NRXN3: variants seen among roughly 807,000 people sequenced by gnomAD.
NRXN3 encodes the protein neurexin III.
A neutral mutation model predicts 137.6 loss-of-function variants in NRXN3; 32 were observed. The observed-to-expected ratio is 0.23, with a 90% confidence interval of 0.18 to 0.31. The LOEUF (loss-of-function observed/expected upper bound fraction) is 0.31. NRXN3 is among the 10% of genes least tolerant of loss of function. The pLI is 1.00. For missense variants in NRXN3, 1,574 were observed against 2,062.5 expected (o/e 0.76, Z 4.59); for synonymous variants, 798 against 784.5 (o/e 1.02, Z -0.29).
chr14:78,414,008 C>G (rs1201042830), intron 4 of NRXN3, among the ~76,000 whole-genome samples: 3 of 152,228 alleles, frequency 2.0e-5, no homozygotes, highest in African/African-American at 7.2e-5. Flanking sequence ...TTCCCCTGCA[C>G]ATGCCCTCTT....
Position 78,225,230 on chromosome 14 carries a change from T to C in NRXN3, c.-703-17161T>C, listed in dbSNP as rs531231360. Among the ~76,000 whole-genome samples, 192 of 152,290 alleles carry C rather than the reference T, an allele frequency of 1.3e-3. 3 individuals are homozygous for C. In the East Asian group the frequency reaches 0.029, roughly 23 times the overall value. On this transcript the variant is annotated intron_variant, in intron 1 of 20. Transcript: ENST00000335750. ...CAGTCCCACCAACAGTGTAAAAGTC[T>C]TCCTATTTCTCCACATCCTCTCCAG...
At chr14:78,474,342 G>T (rs1461724255) in intron 4 of NRXN3, among the ~76,000 whole-genome samples, 1 of 152,150 alleles carries the variant, frequency 6.6e-6, no homozygotes, top group Non-Finnish European at 1.5e-5. Flanking sequence ...AGCTGTCCCA[G>T]ACCTTATAGC....
chr14:78,826,450 T>TG (rs2098966923), intron 10 of NRXN3, among the ~76,000 whole-genome samples: 1 of 152,178 alleles, frequency 6.6e-6, no homozygotes, highest in African/African-American at 2.4e-5. Context: ...CATTGTGCCA[T>TG]TGAACTTGAA....
At chr14:79,420,666 A>G (rs913018464) in intron 15 of NRXN3, among the ~76,000 whole-genome samples, 10 of 152,212 alleles carry the variant, frequency 6.6e-5, no homozygotes, top group African/African-American at 1.9e-4. Context: ...CAAAAAACAC[A>G]TGGTGGCAAA....
intron 6 of NRXN3, among the ~76,000 whole-genome samples, chr14:78,653,457 G>A (rs939674328): frequency 3.3e-5 from 5 of 152,150 alleles, no homozygotes; most frequent in African/African-American, 7.2e-5. Context: ...CAGTTTTGTA[G>A]TGCAACAGTC....
intron 16 of NRXN3, among the ~76,000 whole-genome samples, chr14:79,481,872 T>A (rs1036675124): frequency 2.3e-4 from 35 of 152,056 alleles, no homozygotes; most frequent in African/African-American, 7.5e-4. Flanking sequence ...AAAATGGTCC[T>A]TATGCACTGA....
chr14:78,602,267 C>CTTTTTTTTTTTTTTTT (rs370669288), intron 4 of NRXN3, among the ~76,000 whole-genome samples: 16 of 115,254 alleles, frequency 1.4e-4, no homozygotes, highest in East Asian at 5.8e-4. Context: ...TCACATTAGC[C>CTTTTTTTTTTTTTTTT]TTTTTTTTTT....
At chr14:79,006,052 C>G (rs1157452432) in intron 15 of NRXN3, among the ~76,000 whole-genome samples, 2 of 142,330 alleles carry the variant, frequency 1.4e-5, no homozygotes, top group Non-Finnish European at 3.0e-5. Flanking sequence ...AGGAAATGAG[C>G]CACTGGGAGT....
chr14:79,752,434 C>T (rs2099001401), intron 19 of NRXN3, among the ~76,000 whole-genome samples: 1 of 152,136 alleles, frequency 6.6e-6, no homozygotes, highest in African/African-American at 2.4e-5. Flanking sequence ...ACTATCTGAT[C>T]TTTGACAAAC....
chr14:79,540,189 GA>G (rs1051781159), intron 16 of NRXN3, among the ~76,000 whole-genome samples: 3 of 152,036 alleles, frequency 2.0e-5, no homozygotes, highest in African/African-American at 7.3e-5. Context: ...GAAGAGACTT[GA>G]AACAACTCTC....
chr14:79,797,872 C>T (rs893898914), intron 19 of NRXN3, among the ~76,000 whole-genome samples: 3 of 151,996 alleles, frequency 2.0e-5, no homozygotes, highest in South Asian at 4.2e-4. Flanking sequence ...GTGGGTGACT[C>T]GCTTCAGCCC....
intron 6 of NRXN3, 100 bp downstream of exon 6, chr14:78,651,426 G>C: frequency 1.0e-5 from 13 of 1,279,656 alleles, no homozygotes; most frequent in Non-Finnish European, 1.3e-5. Context: ...TCAAATCTAT[G>C]AGATGATAGA....
intron 15 of NRXN3, among the ~76,000 whole-genome samples, chr14:79,155,768 CTG>C (rs1363488183): frequency 6.6e-6 from 1 of 151,596 alleles, no homozygotes; most frequent in Non-Finnish European, 1.5e-5. Flanking sequence ...TATTTTCTCT[CTG>C]AGGAAATAAA....
At chr14:78,644,657 T>C (rs930105942) in intron 4 of NRXN3, among the ~76,000 whole-genome samples, 3 of 152,132 alleles carry the variant, frequency 2.0e-5, no homozygotes, top group Non-Finnish European at 2.9e-5. Context: ...CCCAGCCAGA[T>C]CTTTCGGGGT....
intron 8 of NRXN3, among the ~76,000 whole-genome samples, chr14:78,758,988 G>C (rs74064946): frequency 3.1e-4 from 47 of 152,308 alleles, no homozygotes; most frequent in African/African-American, 1.1e-3. Flanking sequence ...TCAGGAAAGA[G>C]GGACTTTTCA....
intron 15 of NRXN3, among the ~76,000 whole-genome samples, chr14:79,174,385 A>G (rs1423489176): frequency 6.6e-6 from 1 of 152,098 alleles, no homozygotes; most frequent in Non-Finnish European, 1.5e-5. Flanking sequence ...TATGATTGGC[A>G]TGAATTTAAA....
In NRXN3 at chr14:78,993,115, G is replaced by T. The variant is rs564838454; in HGVS notation, c.3262+4974G>T. On this transcript the variant is annotated intron_variant, in intron 15 of 20. Transcript: ENST00000335750. ...TAGTGCAGATAGTGGAGTGTAAAGC[G>T]TCTTTTTCAGACAGTTTTCTGCAGG... Among the ~76,000 whole-genome samples, 35 of 152,266 alleles carry T rather than the reference G, an allele frequency of 2.3e-4. 1 individual carries two copies. The highest frequency in any genetic ancestry group is 1.4e-3 in the Admixed American group (22 of 15,294).
At chr14:79,177,086 G>A (rs1437155963) in intron 15 of NRXN3, among the ~76,000 whole-genome samples, 5 of 152,222 alleles carry the variant, frequency 3.3e-5, no homozygotes, top group Non-Finnish European at 7.3e-5. Flanking sequence ...TAAGATGAAG[G>A]TGAGGATGAC....
Position 79,426,081 on chromosome 14 carries a change from TACTGGGAACCAATCTCA to T in NRXN3, c.3263-41137_3263-41121del, listed in dbSNP as rs1223693798. Reference sequence around the variant, plus strand: ...GCATCCAAGGGTGGTCTAGGTAGAGTACTGGGAACCAATCTCAACCTGGCAGGAGAGGCATAATTAAC... The same window carrying T: ...GCATCCAAGGGTGGTCTAGGTAGAGTACCTGGCAGGAGAGGCATAATTAAC... On this transcript the variant is annotated intron_variant, in intron 15 of 20. Coordinates refer to ENST00000335750, the MANE Select transcript of NRXN3 (RefSeq NM_001330195.2). Among the ~76,000 whole-genome samples, 15 of 151,812 alleles carry T rather than the reference TACTGGGAACCAATCTCA, an allele frequency of 9.9e-5. No homozygotes were observed. The East Asian group carries it at 2.9e-3, about 29-fold the overall frequency.
Sources: allele counts gnomAD v4.1 joint callset (sites outside exome capture counted in the v4.1 genomes callset), GRCh38; gene constraint gnomAD v4.1.1; transcripts MANE v1.5; gene names NCBI Gene and HGNC (gene_info 2026-07-23, HGNC 2026-07-21).